The following CPNE4 variants were observed in gnomAD, a reference collection of about 807,000 sequenced individuals.
CPNE4 encodes copine 4, also known as copine-4.
CPNE4 carries 25 observed loss-of-function variants against 67.9 expected under a neutral mutation model. That is an observed-to-expected ratio of 0.37 (90% CI 0.27 to 0.51). CPNE4 has a LOEUF of 0.51. Among genes scored for constraint, CPNE4 ranks in the 20% least tolerant of loss-of-function variants. The pLI is 0.93. For synonymous variants in CPNE4, 242 were observed against 244.9 expected (o/e 0.99, Z 0.11); for missense variants, 464 against 690.8 (o/e 0.67, Z 3.68).
chr3:132,025,454 A>G (rs1222889035), intron 1 of CPNE4, among the ~76,000 whole-genome samples: 4 of 152,196 alleles, frequency 2.6e-5, no homozygotes, highest in African/African-American at 9.6e-5. Flanking sequence ...AAAATTTGTG[A>G]GTAGGAACAG....
At chr3:131,951,118 G>C (rs914836755) in intron 1 of CPNE4, among the ~76,000 whole-genome samples, 3 of 152,040 alleles carry the variant, frequency 2.0e-5, no homozygotes, top group African/African-American at 7.2e-5. Flanking sequence ...CAATATTACA[G>C]GATAATTTGT....
chr3:132,015,100 C>T (rs1159423561), intron 1 of CPNE4, among the ~76,000 whole-genome samples: 1 of 152,128 alleles, frequency 6.6e-6, no homozygotes, highest in Non-Finnish European at 1.5e-5. Flanking sequence ...AGATTCTCTG[C>T]ATCTAATTAT....
chr3:131,562,780 T>G lies in CPNE4; in HGVS notation c.1061+1436A>C, dbSNP rs140707764. On this transcript the variant is annotated intron_variant, in intron 11 of 15. Transcript: ENST00000429747. ...GGAACCCCCTCACCCACTGCCTGCATTGGGGCTTGAAGAAATCAGTGTTGA... is the reference window on the plus strand; with the variant it reads ...GGAACCCCCTCACCCACTGCCTGCAGTGGGGCTTGAAGAAATCAGTGTTGA... Among the ~76,000 whole-genome samples, 144 of 152,124 alleles carry G rather than the reference T, an allele frequency of 9.5e-4. 1 individual carries two copies. Among genetic ancestry groups the G allele is most frequent in the African/African-American group, 3.3e-3 (139 of 41,540 alleles).
At chr3:131,653,060 T>G (rs969989801) in intron 7 of CPNE4, among the ~76,000 whole-genome samples, 3 of 152,046 alleles carry the variant, frequency 2.0e-5, no homozygotes, top group African/African-American at 7.2e-5. Flanking sequence ...CCTCTTCCTC[T>G]CTTTATATCC....
At chr3:131,701,492 CTCTTATCACTATCTTATATCTTATA>C (rs1437453978) in intron 3 of CPNE4, among the ~76,000 whole-genome samples, 1 of 152,216 alleles carries the variant, frequency 6.6e-6, no homozygotes, top group Admixed American at 6.5e-5. Flanking sequence ...TGTGACTTAT[CTCTTATCACTATCTTATATCTTATA>C]TCTTACCACT....
intron 1 of CPNE4, among the ~76,000 whole-genome samples, chr3:131,931,064 C>T (rs1024023267): frequency 1.3e-5 from 2 of 152,040 alleles, no homozygotes; most frequent in Non-Finnish European, 2.9e-5. Flanking sequence ...ATATCACTAC[C>T]TGATATTTTA....
At chr3:131,721,792 A>C (rs1056491511) in intron 3 of CPNE4, among the ~76,000 whole-genome samples, 1 of 152,206 alleles carries the variant, frequency 6.6e-6, no homozygotes, top group African/African-American at 2.4e-5. Context: ...ACATGTCTAT[A>C]AAAGATGCCA....
chr3:131,861,523 C>T (rs151018100), intron 2 of CPNE4, among the ~76,000 whole-genome samples: 11,384 of 151,434 alleles, frequency 0.075, 577 homozygotes, highest in East Asian at 0.16. Context: ...CTCCCCCTCC[C>T]GGGTTCAAGC....
intron 5 of CPNE4, among the ~76,000 whole-genome samples, chr3:131,688,266 G>T (rs926528056): frequency 6.6e-6 from 1 of 152,092 alleles, no homozygotes; most frequent in East Asian, 1.9e-4. Flanking sequence ...TGGAACATCC[G>T]CTACTACTCT....
At chr3:131,919,228 G>C (rs2070674616) in intron 1 of CPNE4, among the ~76,000 whole-genome samples, 1 of 152,160 alleles carries the variant, frequency 6.6e-6, no homozygotes, top group African/African-American at 2.4e-5. Flanking sequence ...CACTTAATCT[G>C]TCCACTGGTA....
intron 2 of CPNE4, among the ~76,000 whole-genome samples, chr3:131,757,303 C>T (rs1411111696): frequency 2.0e-5 from 3 of 152,130 alleles, no homozygotes; most frequent in African/African-American, 7.2e-5. Context: ...CAATAAAATC[C>T]AGGCTGAGGT....
intron 15 of CPNE4, among the ~76,000 whole-genome samples, chr3:131,538,179 C>CTGA (rs1291609482): frequency 6.6e-6 from 1 of 152,238 alleles, no homozygotes; most frequent in African/African-American, 2.4e-5. Context: ...AGATCTTCCT[C>CTGA]TGATGATGGT....
chr3:131,979,243 G>T lies in CPNE4; in HGVS notation c.-2+55324C>A, dbSNP rs535607586. Among the ~76,000 whole-genome samples the T allele has an allele frequency of 3.9e-5, 6 of 152,032 alleles. No individual in the cohort carries two copies. In the South Asian group the frequency reaches 1.2e-3, roughly 32 times the overall value. On this transcript the variant is annotated intron_variant, in intron 1 of 15. Transcript: ENST00000429747. The stretch of plus-strand genomic sequence containing the variant: ...ATATAGTTTAAATCGTTTCTTTGTT[G>T]ACTTTGTCTTGATGACATGTCTAAT...
At chr3:131,670,176 A>G (rs7613777) in intron 6 of CPNE4, among the ~76,000 whole-genome samples, 52,828 of 151,972 alleles carry the variant, frequency 0.35, 9,689 homozygotes, top group African/African-American at 0.45. Context: ...GACTCTTAGT[A>G]GGGTGAAGGG....
intron 1 of CPNE4, among the ~76,000 whole-genome samples, chr3:131,930,391 G>GA (rs1367494900): frequency 2.6e-5 from 4 of 151,994 alleles, no homozygotes; most frequent in Non-Finnish European, 5.9e-5. Flanking sequence ...AGGGGCAGGG[G>GA]AACGTACACC....
intron 7 of CPNE4, among the ~76,000 whole-genome samples, chr3:131,661,126 G>A (rs990591123): frequency 1.3e-5 from 2 of 152,186 alleles, no homozygotes; most frequent in African/African-American, 4.8e-5. Flanking sequence ...CTTTGTTACT[G>A]CAGCATTGCT....
intron 4 of CPNE4, among the ~76,000 whole-genome samples, chr3:131,698,265 A>G (rs1293604575): frequency 6.7e-6 from 1 of 150,296 alleles, no homozygotes; most frequent in East Asian, 1.9e-4. Context: ...AAAGAAAAGA[A>G]AAAGATCAAA....
intron 7 of CPNE4, among the ~76,000 whole-genome samples, chr3:131,656,419 T>A (rs975240043): frequency 6.6e-6 from 1 of 151,950 alleles, no homozygotes; most frequent in African/African-American, 2.4e-5. Flanking sequence ...TAAGAATGAG[T>A]AGATAAGAGG....
chr3:132,029,362 G>C (rs1583620274), intron 1 of CPNE4, among the ~76,000 whole-genome samples: 2 of 152,202 alleles, frequency 1.3e-5, no homozygotes, highest in African/African-American at 2.4e-5. Context: ...AGATGCACCT[G>C]AGAAAACCAA....
Sources: allele counts gnomAD v4.1 joint callset (sites outside exome capture counted in the v4.1 genomes callset), GRCh38; gene constraint gnomAD v4.1.1; transcripts MANE v1.5; gene names NCBI Gene and HGNC (gene_info 2026-07-23, HGNC 2026-07-21).